TAFA2: variants seen among roughly 807,000 people sequenced by gnomAD.
The protein encoded by TAFA2 is chemokine-like protein TAFA-2.
Under a neutral mutation model 18.8 loss-of-function variants are expected in TAFA2, and 7 were observed. That is an observed-to-expected ratio of 0.37 (90% confidence interval 0.21 to 0.70). The LOEUF (loss-of-function observed/expected upper bound fraction) is 0.70. Ranked by LOEUF, TAFA2 falls within the 30% of genes least tolerant of loss-of-function variation. TAFA2 has a pLI of 0.53. For missense variants in TAFA2, 122 were observed against 158.1 expected, an observed-to-expected ratio of 0.77 and a Z score of 1.23; for synonymous variants, 60 against 54.2, an observed-to-expected ratio of 1.11 and a Z score of -0.47.
chr12:62,170,950 C>T (rs567165143), intron 1 of TAFA2, among the ~76,000 whole-genome samples: 9 of 152,242 alleles, frequency 5.9e-5, no homozygotes, highest in African/African-American at 1.9e-4. Flanking sequence ...TAGGTTTACT[C>T]TTAATTTTAT....
intron 1 of TAFA2, among the ~76,000 whole-genome samples, chr12:62,249,712 A>C (rs2136993977): frequency 6.6e-6 from 1 of 152,334 alleles, no homozygotes; most frequent in East Asian, 1.9e-4. Context: ...GCATTCTTCC[A>C]ACACCAGATA....
upstream of TAFA2, among the ~76,000 whole-genome samples, chr12:62,197,473 C>T (rs1352852809): frequency 6.6e-6 from 1 of 152,156 alleles, no homozygotes; most frequent in Non-Finnish European, 1.5e-5. Context: ...AATTGATATA[C>T]AATCAACTGC....
chr12:61,952,689 A>G (rs1336386349), intron 1 of TAFA2, among the ~76,000 whole-genome samples: 1 of 152,090 alleles, frequency 6.6e-6, no homozygotes, highest in Non-Finnish European at 1.5e-5. Flanking sequence ...GTAGTTTTCC[A>G]ATTGGTTAAT....
intron 1 of TAFA2, among the ~76,000 whole-genome samples, chr12:62,018,424 T>A (rs530096771): frequency 5.9e-5 from 9 of 152,276 alleles, no homozygotes; most frequent in Admixed American, 5.2e-4. Context: ...AGTATTTTTT[T>A]AATATATCTA....
At chr12:62,083,387 A>G (rs1868352815) in intron 1 of TAFA2, among the ~76,000 whole-genome samples, 1 of 152,064 alleles carries the variant, frequency 6.6e-6, no homozygotes, top group Non-Finnish European at 1.5e-5. Flanking sequence ...GTTTCCAAAA[A>G]GAAGAAAAAT....
At chr12:62,039,533 G>GC (rs1881702298) in intron 1 of TAFA2, among the ~76,000 whole-genome samples, 1 of 152,156 alleles carries the variant, frequency 6.6e-6, no homozygotes, top group African/African-American at 2.4e-5. Flanking sequence ...ATTAAGCAAT[G>GC]TTGAGAGAGA....
At chr12:61,845,361 A>C (rs911537478) in intron 2 of TAFA2, among the ~76,000 whole-genome samples, 4 of 152,148 alleles carry the variant, frequency 2.6e-5, no homozygotes, top group Non-Finnish European at 5.9e-5. Flanking sequence ...TAAGAAAAAA[A>C]AAGGAAAAGT....
chr12:61,783,966 T>A (rs181258437), intron 2 of TAFA2, among the ~76,000 whole-genome samples: 1 of 151,550 alleles, frequency 6.6e-6, no homozygotes, highest in East Asian at 2.0e-4. Context: ...ACAATCAACA[T>A]CAGATGATGT....
At chr12:61,966,089 T>G (rs1212317338) in intron 1 of TAFA2, among the ~76,000 whole-genome samples, 3 of 151,882 alleles carry the variant, frequency 2.0e-5, no homozygotes, top group Non-Finnish European at 4.4e-5. Context: ...CATACTATTT[T>G]CCACAGTGTC....
chr12:62,101,636 C>G (rs80026921), intron 1 of TAFA2, among the ~76,000 whole-genome samples: 3,753 of 152,282 alleles, frequency 0.025, 101 homozygotes, highest in Non-Finnish European at 0.03. Context: ...TGTACCATCA[C>G]TACCCTACAC....
intron 1 of TAFA2, among the ~76,000 whole-genome samples, chr12:61,892,703 G>A (rs1303664667): frequency 2.6e-5 from 4 of 152,148 alleles, no homozygotes; most frequent in Non-Finnish European, 5.9e-5. Flanking sequence ...CCTGGGTATG[G>A]TGGCACATGC....
intron 1 of TAFA2, among the ~76,000 whole-genome samples, chr12:62,245,804 T>C (rs2136992026): frequency 6.7e-6 from 1 of 148,948 alleles, no homozygotes; most frequent in South Asian, 2.1e-4. Flanking sequence ...ATTTGGGGTT[T>C]TTTGATTCTT....
At chr12:62,199,949 G>T (rs911577315) in intron 1 of TAFA2, among the ~76,000 whole-genome samples, 1 of 152,088 alleles carries the variant, frequency 6.6e-6, no homozygotes. Context: ...ACACTATTCT[G>T]ATTGGTGTGA....
chr12:61,724,749 CTATGTGTG>C (rs1323955153), intron 4 of TAFA2, among the ~76,000 whole-genome samples: 9 of 96,284 alleles, frequency 9.3e-5, no homozygotes, highest in Admixed American at 4.6e-4. Flanking sequence ...CATGGTATGT[CTATGTGTG>C]TGTGTGTGTG....
At chr12:62,101,989 A>T (rs1215213997) in intron 1 of TAFA2, among the ~76,000 whole-genome samples, 1 of 152,180 alleles carries the variant, frequency 6.6e-6, no homozygotes, top group South Asian at 2.1e-4. Flanking sequence ...AGAAAGATTC[A>T]TAGAAAAAAA....
At chr12:62,234,531 T>C in intron 1 of TAFA2, 1 of 915,334 alleles carries the variant, frequency 1.1e-6, no homozygotes, top group Non-Finnish European at 1.8e-6. Flanking sequence ...ATGGTCAATG[T>C]CTGGTGTGTA....
chr12:62,251,078 G>A (rs1237265343), intron 1 of TAFA2, among the ~76,000 whole-genome samples: 1 of 152,194 alleles, frequency 6.6e-6, no homozygotes, highest in African/African-American at 2.4e-5. Flanking sequence ...AGAATTTGAT[G>A]TATAAAGTAC....
intron 1 of TAFA2, among the ~76,000 whole-genome samples, chr12:62,088,113 ACTC>A (rs992935993): frequency 2.0e-5 from 3 of 151,872 alleles, no homozygotes; most frequent in Admixed American, 6.6e-5. Context: ...ATCAAGGGTA[ACTC>A]CTCAGCTTAA....
chr12:61,945,007 G>T lies in TAFA2; in HGVS notation c.-1-77581C>A, dbSNP rs1292072740. ...GACTGGCAGAGACACAACCAAAAAA[G>T]AGAATTTTAGACCAATATCCTTGAT... On this transcript the variant is annotated intron_variant, in intron 1 of 4. Transcript: ENST00000416284. Among the ~76,000 whole-genome samples, 707 of 150,812 alleles carry T rather than the reference G, an allele frequency of 4.7e-3. 5 individuals are homozygous for T. Among genetic ancestry groups the T allele is most frequent in the African/African-American group, 0.017 (684 of 40,778 alleles).
Sources: gnomAD v4.1 joint callset for allele counts (sites outside exome capture counted in the v4.1 genomes callset) on GRCh38, gnomAD v4.1.1 for gene constraint, MANE v1.5 for transcripts, NCBI Gene and HGNC (gene_info 2026-07-23, HGNC 2026-07-21) for gene names.